The following ZNF804B variants were observed in gnomAD, a reference collection of about 807,000 sequenced individuals.
The protein encoded by ZNF804B is zinc finger protein 804B.
In ZNF804B, 80 loss-of-function variants were observed where a neutral mutation model predicts 101.4. The observed-to-expected ratio is 0.79, with a 90% CI of 0.66 to 0.95. The LOEUF is 0.95. Among genes scored for constraint, ZNF804B ranks in the 40% least tolerant of loss-of-function variants. The pLI, the probability that ZNF804B is intolerant of heterozygous loss-of-function variation, is 0.00. For missense variants in ZNF804B, 1,673 were observed against 1,561.9 expected (o/e 1.07, Z -1.20); for synonymous variants, 622 against 558.8 (o/e 1.11, Z -1.59).
chr7:88,805,039 G>A (rs1790664032), intron 1 of ZNF804B, among the ~76,000 whole-genome samples: 3 of 152,086 alleles, frequency 2.0e-5, no homozygotes, highest in Non-Finnish European at 4.4e-5. Context: ...GGATAAAGTG[G>A]TGTTAGAGCT....
At chr7:88,985,901 CCAT>C (rs1270570211) in intron 1 of ZNF804B, among the ~76,000 whole-genome samples, 1 of 152,044 alleles carries the variant, frequency 6.6e-6, no homozygotes. Flanking sequence ...GTAGATAATA[CCAT>C]TACAGGAGGA....
chr7:89,117,642 A>G (rs1320389166), intron 1 of ZNF804B, among the ~76,000 whole-genome samples: 1 of 152,210 alleles, frequency 6.6e-6, no homozygotes, highest in East Asian at 1.9e-4. Flanking sequence ...CTTTTTAGCC[A>G]TAATGTTGAT....
At chr7:89,008,417 A>T (rs780448009) in intron 1 of ZNF804B, among the ~76,000 whole-genome samples, 1 of 152,190 alleles carries the variant, frequency 6.6e-6, no homozygotes, top group Non-Finnish European at 1.5e-5. Context: ...TTCTCCACAG[A>T]TACTACATCT....
chr7:88,976,347 G>A (rs1025627762), intron 1 of ZNF804B, among the ~76,000 whole-genome samples: 26 of 151,430 alleles, frequency 1.7e-4, no homozygotes, highest in Non-Finnish European at 3.4e-4. Context: ...GGTTAGTATT[G>A]ATATTTTTAA....
intron 1 of ZNF804B, among the ~76,000 whole-genome samples, chr7:89,211,513 C>T (rs1156773310): frequency 2.0e-5 from 3 of 152,018 alleles, no homozygotes; most frequent in Admixed American, 2.0e-4. Flanking sequence ...ATATATAAGT[C>T]CTTAATCCAT....
chr7:89,203,708 C>A (rs1448341120), intron 1 of ZNF804B, among the ~76,000 whole-genome samples: 8 of 152,002 alleles, frequency 5.3e-5, no homozygotes, highest in African/African-American at 1.4e-4. Context: ...TGGTACAGAA[C>A]AAGTAAACCA....
intron 1 of ZNF804B, among the ~76,000 whole-genome samples, chr7:88,818,065 G>A (rs1040145516): frequency 6.6e-6 from 1 of 152,182 alleles, no homozygotes; most frequent in African/African-American, 2.4e-5. Flanking sequence ...AGTGCTAGGG[G>A]ACTATAGGTT....
At chr7:89,006,093 A>G (rs766335789) in intron 1 of ZNF804B, among the ~76,000 whole-genome samples, 38 of 152,156 alleles carry the variant, frequency 2.5e-4, no homozygotes, top group Non-Finnish European at 3.5e-4. Context: ...ATGCAACAGT[A>G]TAGCTGACTG....
At chr7:89,136,188 T>A (rs1443568318) in intron 1 of ZNF804B, among the ~76,000 whole-genome samples, 1 of 152,124 alleles carries the variant, frequency 6.6e-6, no homozygotes, top group African/African-American at 2.4e-5. Context: ...GAAAGCAAGC[T>A]CAGGCATGAG....
At chr7:89,331,047 T>C (rs1790969371) in intron 3 of ZNF804B, among the ~76,000 whole-genome samples, 2 of 151,424 alleles carry the variant, frequency 1.3e-5, no homozygotes, top group Non-Finnish European at 3.0e-5. Flanking sequence ...AATAACTGCA[T>C]AATAATGGAA....
chr7:89,145,274 A>G lies in ZNF804B; in HGVS notation c.109-72881A>G, dbSNP rs148524401. ...ATTAACTGACAACTGAAAAGCAGAG[A>G]AGGAGCCATTATTCATAGATAACAG... On this transcript the variant is annotated intron_variant, in intron 1 of 3. Transcript: ENST00000333190. Among the ~76,000 whole-genome samples, 1,059 of 152,192 alleles carry G rather than the reference A, an allele frequency of 7.0e-3. 4 individuals are homozygous for G. Among genetic ancestry groups the G allele is most frequent in the Non-Finnish European group, 0.011 (757 of 67,980 alleles).
Position 89,258,418 on chromosome 7 carries a change from A to G in ZNF804B, c.249+40123A>G, listed in dbSNP as rs1305137095. 3.3e-5 allele frequency among the ~76,000 whole-genome samples: 5 copies of G among 152,188 alleles called. No individual in the cohort carries two copies. The East Asian group carries it at 9.6e-4, about 29-fold the overall frequency. ...TGTGTCAGTGTGGCTATGTGTAATA[A>G]TAGCATGGCAGCTTAATTTTGGTTA... On this transcript the variant is annotated intron_variant, in intron 2 of 3. Transcript: ENST00000333190.
At chr7:88,781,104 T>C (rs1790219164) in intron 1 of ZNF804B, among the ~76,000 whole-genome samples, 1 of 152,200 alleles carries the variant, frequency 6.6e-6, no homozygotes, top group Non-Finnish European at 1.5e-5. Context: ...AATCTTAGAA[T>C]TTGAGTTCTT....
chr7:88,943,149 C>T (rs992373587), intron 1 of ZNF804B, among the ~76,000 whole-genome samples: 3 of 151,810 alleles, frequency 2.0e-5, no homozygotes, highest in Admixed American at 1.3e-4. Flanking sequence ...TTCGTGAATA[C>T]GGGAAGTCAA....
intron 1 of ZNF804B, among the ~76,000 whole-genome samples, chr7:88,844,859 G>A (rs1791345647): frequency 6.6e-6 from 1 of 152,072 alleles, no homozygotes; most frequent in Non-Finnish European, 1.5e-5. Context: ...GGATATATGG[G>A]GAGTTAAATA....
intron 2 of ZNF804B, among the ~76,000 whole-genome samples, chr7:89,258,154 A>G (rs1237528812): frequency 6.6e-6 from 1 of 152,072 alleles, no homozygotes; most frequent in Non-Finnish European, 1.5e-5. Flanking sequence ...TAAACTTTAC[A>G]TTTTATTAGG....
chr7:89,123,205 G>T (rs10253858), intron 1 of ZNF804B, among the ~76,000 whole-genome samples: 62 of 151,630 alleles, frequency 4.1e-4, no homozygotes, highest in African/African-American at 1.4e-3. Context: ...ATTTGTAGAA[G>T]GAAGGGAAGA....
At chr7:89,250,637 G>A (rs1232373975) in intron 2 of ZNF804B, among the ~76,000 whole-genome samples, 1 of 151,894 alleles carries the variant, frequency 6.6e-6, no homozygotes, top group Non-Finnish European at 1.5e-5. Flanking sequence ...GACACAGCAA[G>A]AAAACAAAAC....
intron 1 of ZNF804B, among the ~76,000 whole-genome samples, chr7:88,828,228 T>C (rs907942110): frequency 5.3e-5 from 8 of 152,114 alleles, no homozygotes; most frequent in South Asian, 2.1e-4. Context: ...AATGCAACCA[T>C]TTTAAGTGCA....
Sources: allele counts gnomAD v4.1 joint callset (sites outside exome capture counted in the v4.1 genomes callset), GRCh38; gene constraint gnomAD v4.1.1; transcripts MANE v1.5; gene names NCBI Gene and HGNC (gene_info 2026-07-23, HGNC 2026-07-21).